Variants in MLH3 observed in about 807,000 individuals in gnomAD.
The protein encoded by MLH3 is DNA mismatch repair protein Mlh3.
MLH3 carries 82 observed loss-of-function variants against 122.2 expected under a neutral mutation model. The ratio of observed to expected loss-of-function variants is 0.67; its 90% CI spans 0.56 to 0.81. The LOEUF (loss-of-function observed/expected upper bound fraction) is 0.81, where lower values mean the gene tolerates loss of function less well. Ranked by LOEUF, MLH3 falls within the 30% of genes least tolerant of loss-of-function variation. The probability of loss-of-function intolerance (pLI) is 0.00; values close to 1 mark genes in which losing one functional copy is unlikely to be tolerated. For missense variants in MLH3, 1,539 were observed against 1,714.5 expected (o/e 0.90, Z 1.81); for synonymous variants, 524 against 599.5 (o/e 0.87, Z 1.84).
chr14:75,033,999 C>G, intron 6 of MLH3, among the ~76,000 whole-genome samples: 1 of 151,956 alleles, frequency 6.6e-6, no homozygotes, highest in East Asian at 1.9e-4. Flanking sequence ...TCGAGATCAT[C>G]CTGGCCAACA....
chr14:75,016,965 G>T lies in MLH3; in HGVS notation c.*117C>A. 2 of 1,213,454 alleles carry T rather than the reference G, an allele frequency of 1.6e-6. No homozygotes were observed. Among genetic ancestry groups the T allele is most frequent in the Non-Finnish European group, 2.4e-6 (2 of 822,648 alleles). 75.2% of individuals were successfully genotyped at this position (1,213,454 alleles called of 1,614,324 possible). On this transcript the variant is annotated 3_prime_UTR_variant, in exon 13 of 13. Transcript: ENST00000355774. ...TACAGAGAGCCCTGCTGTCTAAGCT[G>T]CTCAGGGACACTGGGCTGATTCAGT...
intron 9 of MLH3, among the ~76,000 whole-genome samples, chr14:75,027,685 A>AC (rs1890738509): frequency 6.7e-6 from 1 of 150,100 alleles, no homozygotes; most frequent in Non-Finnish European, 1.5e-5. Context: ...AAAAAAAAAA[A>AC]AAAAAAAAAC....
chr14:75,021,569 A>T (rs1455204704), intron 11 of MLH3, among the ~76,000 whole-genome samples: 2 of 152,246 alleles, frequency 1.3e-5, no homozygotes, highest in Non-Finnish European at 2.9e-5. Context: ...CAACAAGCAT[A>T]TAAAAAATGT....
chr14:75,029,600 A>G (rs1410188920), intron 9 of MLH3, among the ~76,000 whole-genome samples: 1 of 151,706 alleles, frequency 6.6e-6, no homozygotes, highest in Non-Finnish European at 1.5e-5. Flanking sequence ...CAATGGTGCA[A>G]TCTTGGCTCA....
chr14:75,039,995 A>C lies in MLH3; in HGVS notation c.3486T>G (p.Ser1162Arg). 6.3e-7 allele frequency: 1 copy of C among 1,591,516 alleles called. No individual in the cohort carries two copies. Among genetic ancestry groups the C allele is most frequent in the African/African-American group, 1.3e-5 (1 of 74,416 alleles). The change falls in exon 5 of 13, where the codon AGT becomes AGG. Residue 1162 changes from serine (S) to arginine (R), a missense_variant. By Grantham distance (110) the Ser-to-Arg change is moderately radical (BLOSUM62 -1). Coordinates refer to ENST00000355774, the MANE Select transcript of MLH3 (RefSeq NM_001040108.2). ...RYPEVAVDVS[S>R]GQAESLAVKI... ...TAACTGCTAAGCTCTCAGCCTGGCC[A>C]CTGCTTACATCAACAGCAACCTAGA...
chr14:75,035,044 C>T (rs932629467), intron 6 of MLH3, among the ~76,000 whole-genome samples: 2 of 105,278 alleles, frequency 1.9e-5, no homozygotes, highest in African/African-American at 7.7e-5. Flanking sequence ...ACCTGGGCGA[C>T]AGAGCAAGAC....
Position 75,047,082 on chromosome 14 carries a change from G to T in MLH3, c.2574C>A (p.Leu858=), listed in dbSNP as rs754858362. The T allele has an allele frequency of 8.1e-5, 131 of 1,613,992 alleles. No homozygotes were observed. Among genetic ancestry groups the T allele is most frequent in the Non-Finnish European group, 1.1e-4 (130 of 1,179,978 alleles). Reference sequence around the variant, plus strand: ...CAAGGTCCAAAGGTTTTCTATTAAAGAGAGATAACTCCTTCAGGGTCATAG... The same window carrying T: ...CAAGGTCCAAAGGTTTTCTATTAAATAGAGATAACTCCTTCAGGGTCATAG... ...ESPMTLKELS[L]FNRKPLDLEK... is the part of the protein sequence containing the mutation. Residue 858 remains leucine (L), a synonymous_variant, in exon 2 of 13, where the codon CTC becomes CTA. Coordinates refer to ENST00000355774, the MANE Select transcript of MLH3 (RefSeq NM_001040108.2).
intron 9 of MLH3, among the ~76,000 whole-genome samples, chr14:75,023,999 A>G (rs28757039): frequency 0.02 from 3,086 of 152,308 alleles, 53 homozygotes; most frequent in Middle Eastern, 0.078. Context: ...AGATGGTCTC[A>G]TAAGACTCAA....
At chr14:75,035,596 C>A (rs1566589371) in intron 6 of MLH3, among the ~76,000 whole-genome samples, 1 of 152,170 alleles carries the variant, frequency 6.6e-6, no homozygotes, top group Non-Finnish European at 1.5e-5. Flanking sequence ...TTCACAAATT[C>A]TATATTCATG....
chr14:75,049,461 A>C lies in MLH3; in HGVS notation c.195T>G (p.Asp65Glu), dbSNP rs746192170. ...AATAACGATTTCCCACTTTCTCTAC[A>C]TCATCACTCCCCATCCCAAATCCAT... ...IDNGFGMGSD[D>E]VEKVGNRYFT... Residue 65 changes from aspartate (D) to glutamate (E), a missense_variant, in exon 2 of 13, where the codon GAT becomes GAG. Transcript: ENST00000355774. The C allele has an allele frequency of 2.5e-6, 4 of 1,614,078 alleles. No individual in the cohort carries two copies. The highest frequency in any genetic ancestry group is 4.5e-5 in the East Asian group (2 of 44,884).
At position 75,015,653 on chromosome 14, in the gene MLH3, G is replaced by A; in HGVS notation, c.*1429C>T. On this transcript the variant is annotated 3_prime_UTR_variant, in exon 13 of 13. Transcript: ENST00000355774. ...AACATCCGTTTATATGTATTTAGAA[G>A]AATAAAAGCCATTTTTTAGACAGTA... 5.0e-6 allele frequency: 1 copy of A among 200,960 alleles called. No individual in the cohort carries two copies. The highest frequency in any genetic ancestry group is 1.0e-5 in the Non-Finnish European group (1 of 97,568). The allele number at this position is 200,960 out of a possible 1,614,324, so 12.4% of individuals were successfully genotyped here. A position where few individuals can be genotyped will look rare whatever the true frequency, so the allele number is the denominator to read the frequency against.
intron 5 of MLH3, among the ~76,000 whole-genome samples, chr14:75,038,666 T>C (rs932018071): frequency 2.6e-5 from 4 of 152,042 alleles, no homozygotes; most frequent in African/African-American, 7.2e-5. Context: ...CTCAGAGTGG[T>C]GTGCTAGCAA....
rs1174331638 is a variant in MLH3 at position 75,030,581 on chromosome 14, G to A, written c.3949C>T (p.Arg1317Trp). The A allele has an allele frequency of 6.2e-6, 10 of 1,614,052 alleles. No homozygotes were observed. The highest frequency in any genetic ancestry group is 8.5e-6 in the Non-Finnish European group (10 of 1,179,988). Residue 1317 changes from arginine (R) to tryptophan (W), a missense_variant, in exon 9 of 13, where the codon CGG (arginine) becomes TGG (tryptophan). By Grantham distance (101) the Arg-to-Trp change is moderately radical. Coordinates refer to ENST00000355774, the MANE Select transcript of MLH3 (RefSeq NM_001040108.2). ...TTGGTCACAGTAGATCTTCCTCTCCGAAGTTCATTGGCTTCTCTTTCCACA... is the reference window on the plus strand; with the variant it reads ...TTGGTCACAGTAGATCTTCCTCTCCAAAGTTCATTGGCTTCTCTTTCCACA... ...CFVEREANELRRGRSTVTKSI... is the reference protein window; with the variant it reads ...CFVEREANELWRGRSTVTKSI...
rs1889791566 is a variant in MLH3, at chr14:75,014,346, CTGGA to C, written c.*2732_*2735del. 5.7e-6 allele frequency: 1 copy of C among 176,750 alleles called. No individual in the cohort carries two copies. 10.9% of individuals were successfully genotyped at this position (176,750 alleles called of 1,614,324 possible). On this transcript the variant is annotated 3_prime_UTR_variant, in exon 13 of 13. Transcript: ENST00000355774. ...GTAGTTCCAGGTCCCCAGCCAGGTTCTGGATGTTACCCAAGCCCCCTCCCCATTC... is the reference window on the plus strand; with the variant it reads ...GTAGTTCCAGGTCCCCAGCCAGGTTCTGTTACCCAAGCCCCCTCCCCATTC...
At chr14:75,032,683 T>G (rs752588249) in intron 7 of MLH3, among the ~76,000 whole-genome samples, 2 of 151,662 alleles carry the variant, frequency 1.3e-5, no homozygotes, top group African/African-American at 4.8e-5. Context: ...GTGAAAACAG[T>G]AGTAATATCA....
In MLH3 at chr14:75,016,325, C is replaced by T. The variant is rs149964641; in HGVS notation, c.*757G>A. 2.0e-4 allele frequency: 38 copies of T among 194,246 alleles called. No individual in the cohort carries two copies. The highest frequency in any genetic ancestry group is 8.6e-4 in the African/African-American group (37 of 43,174). The allele number at this position is 194,246 out of a possible 1,614,324, so 12.0% of individuals were successfully genotyped here. A position where few individuals can be genotyped will look rare whatever the true frequency, so the allele number is the denominator to read the frequency against. Reference sequence around the variant, plus strand: ...ACATAAAGAGATACTTTATAAAGTACCAAAAAAAATCATATTTTAAAAAAC... The same window carrying T: ...ACATAAAGAGATACTTTATAAAGTATCAAAAAAAATCATATTTTAAAAAAC... On this transcript the variant is annotated 3_prime_UTR_variant, in exon 13 of 13. Coordinates refer to ENST00000355774, the MANE Select transcript of MLH3 (RefSeq NM_001040108.2).
chr14:75,017,279 C>T (rs1369685442), intron 12 of MLH3, 78 bp from the exon 13 acceptor site: 14 of 1,484,802 alleles, frequency 9.4e-6, no homozygotes, highest in South Asian at 1.1e-5. Flanking sequence ...TGACTCACAC[C>T]TGTAATCCCA....
intron 8 of MLH3, among the ~76,000 whole-genome samples, chr14:75,031,760 G>A (rs1341675092): frequency 6.6e-6 from 1 of 152,216 alleles, no homozygotes; most frequent in Non-Finnish European, 1.5e-5. Flanking sequence ...GTTGCAGTGA[G>A]CAGAGATTGT....
At position 75,032,144 on chromosome 14, in the gene MLH3, G is replaced by A. The variant is rs754799700; in HGVS notation, c.3751C>T (p.Arg1251Trp). The change falls in exon 8 of 13, where the codon CGG (arginine) becomes TGG (tryptophan). Residue 1251 changes from arginine (R) to tryptophan (W), a missense_variant. Transcript: ENST00000355774. Reference protein sequence around the residue: ...YEKQQAQGSGRKKLLSSTLIP... With the variant: ...YEKQQAQGSGWKKLLSSTLIP... ...AGAGTAGAAGACAGTAATTTTTTCCGACCAGAGCCTTGTGCCTGTTGCTTC... is the reference window on the plus strand; with the variant it reads ...AGAGTAGAAGACAGTAATTTTTTCCAACCAGAGCCTTGTGCCTGTTGCTTC... The A allele has an allele frequency of 1.4e-5, 23 of 1,613,490 alleles. No homozygotes were observed. Among genetic ancestry groups the A allele is most frequent in the Middle Eastern group, 1.6e-4 (1 of 6,084 alleles).
Sources: allele counts gnomAD v4.1 joint callset (sites outside exome capture counted in the v4.1 genomes callset), GRCh38; gene constraint gnomAD v4.1.1; transcripts MANE v1.5; gene names NCBI Gene and HGNC (gene_info 2026-07-23, HGNC 2026-07-21).